The following SH3RF1 variants were observed in gnomAD, a reference collection of about 807,000 sequenced individuals.
SH3RF1 encodes the protein SH3 domain containing ring finger 1.
Under a neutral mutation model 74.0 loss-of-function variants are expected in SH3RF1, and 32 were observed. The observed-to-expected ratio is 0.43, with a 90% CI of 0.33 to 0.58. The LOEUF is 0.58. SH3RF1 is among the 20% of genes least tolerant of loss of function. SH3RF1 has a pLI of 0.05. For synonymous variants in SH3RF1, 396 were observed against 439.6 expected (o/e 0.90, Z 1.24); for missense variants, 954 against 1,130.9 (o/e 0.84, Z 2.24).
intron 2 of SH3RF1, among the ~76,000 whole-genome samples, chr4:169,253,024 A>G (rs539475802): frequency 7.8e-4 from 119 of 152,234 alleles, no homozygotes; most frequent in Non-Finnish European, 9.6e-4. Context: ...AGAAATTTAC[A>G]TATCAGGTTA....
At position 169,199,426 on chromosome 4, in the gene SH3RF1, T is replaced by C. The variant is rs139062074; in HGVS notation, c.394-42747A>G. On this transcript the variant is annotated intron_variant, in intron 2 of 11. Coordinates refer to ENST00000284637, the MANE Select transcript of SH3RF1 (RefSeq NM_020870.4). Reference sequence around the variant, plus strand: ...ACCATCTTGTGGCTTCACCAACCATTAGGGTCTTATAATCTTGTGCATCCA... The same window carrying C: ...ACCATCTTGTGGCTTCACCAACCATCAGGGTCTTATAATCTTGTGCATCCA... Among the ~76,000 whole-genome samples, 27 of 152,222 alleles carry C rather than the reference T, an allele frequency of 1.8e-4. No homozygotes were observed. In the East Asian group the frequency reaches 5.2e-3, roughly 29 times the overall value.
chr4:169,192,578 A>C (rs1175941893), intron 2 of SH3RF1, among the ~76,000 whole-genome samples: 1 of 152,104 alleles, frequency 6.6e-6, no homozygotes, highest in African/African-American at 2.4e-5. Context: ...AACAGCGTGG[A>C]GATTCCTTAA....
At chr4:169,217,718 G>A (rs534192288) in intron 2 of SH3RF1, among the ~76,000 whole-genome samples, 2 of 152,104 alleles carry the variant, frequency 1.3e-5, no homozygotes, top group African/African-American at 4.8e-5. Flanking sequence ...CTGTTTAATG[G>A]ATACAGAGTT....
intron 11 of SH3RF1, among the ~76,000 whole-genome samples, chr4:169,102,363 T>C (rs894596795): frequency 1.3e-5 from 2 of 152,124 alleles, no homozygotes; most frequent in Non-Finnish European, 2.9e-5. Flanking sequence ...CCAAGTGTTC[T>C]AGCTTAATCC....
chr4:169,144,325 T>C (rs1733837023), intron 4 of SH3RF1, among the ~76,000 whole-genome samples: 1 of 152,196 alleles, frequency 6.6e-6, no homozygotes, highest in South Asian at 2.1e-4. Context: ...ATTTTATGCC[T>C]AGGTAAAGTA....
intron 2 of SH3RF1, among the ~76,000 whole-genome samples, chr4:169,232,020 G>C (rs983079312): frequency 1.3e-5 from 2 of 152,208 alleles, no homozygotes; most frequent in African/African-American, 4.8e-5. Context: ...TGAAGGGAGA[G>C]AGCACCAGGC....
chr4:169,121,587 C>G (rs1392287487), intron 7 of SH3RF1, among the ~76,000 whole-genome samples: 1 of 152,162 alleles, frequency 6.6e-6, no homozygotes, highest in African/African-American at 2.4e-5. Flanking sequence ...CACATGGTAA[C>G]CAGGCAGGCA....
chr4:169,235,149 G>T (rs559998344), intron 2 of SH3RF1, among the ~76,000 whole-genome samples: 1 of 152,182 alleles, frequency 6.6e-6, no homozygotes, highest in South Asian at 2.1e-4. Flanking sequence ...TCTTAAAATA[G>T]AATTCCTATA....
chr4:169,262,682 T>TA (rs139621686), intron 2 of SH3RF1, among the ~76,000 whole-genome samples: 8,042 of 152,098 alleles, frequency 0.053, 428 homozygotes, highest in Admixed American at 0.15. Flanking sequence ...AATAAATAAA[T>TA]AAAATGATAA....
intron 10 of SH3RF1, among the ~76,000 whole-genome samples, chr4:169,110,454 A>T (rs1278470834): frequency 6.6e-6 from 1 of 152,160 alleles, no homozygotes; most frequent in Non-Finnish European, 1.5e-5. Flanking sequence ...ACCAGATAGG[A>T]CCTCTGCTTA....
At chr4:169,159,531 A>G (rs1046681366) in intron 2 of SH3RF1, among the ~76,000 whole-genome samples, 1 of 152,160 alleles carries the variant, frequency 6.6e-6, no homozygotes, top group Non-Finnish European at 1.5e-5. Context: ...AATCCCATTT[A>G]CTAGCTCTGT....
intron 2 of SH3RF1, among the ~76,000 whole-genome samples, chr4:169,239,477 A>C (rs546869144): frequency 6.6e-6 from 1 of 152,382 alleles, no homozygotes; most frequent in Non-Finnish European, 1.5e-5. Context: ...ACTGTTATTC[A>C]GTCCATATGT....
chr4:169,188,142 C>T (rs1368901222), intron 2 of SH3RF1, among the ~76,000 whole-genome samples: 1 of 152,002 alleles, frequency 6.6e-6, no homozygotes, highest in Non-Finnish European at 1.5e-5. Flanking sequence ...AGACTTCCAG[C>T]CTCCAGAACT....
chr4:169,138,969 G>A (rs1330787492), intron 4 of SH3RF1, among the ~76,000 whole-genome samples: 3 of 152,060 alleles, frequency 2.0e-5, no homozygotes, highest in Non-Finnish European at 4.4e-5. Context: ...GGGGGGACTG[G>A]GGGGAAAGGT....
At chr4:169,189,681 G>T (rs546472886) in intron 2 of SH3RF1, among the ~76,000 whole-genome samples, 1 of 152,176 alleles carries the variant, frequency 6.6e-6, no homozygotes, top group Non-Finnish European at 1.5e-5. Context: ...CCAGGCAGGC[G>T]TGGGCTCCTA....
At chr4:169,168,830 A>T (rs1019585275) in intron 2 of SH3RF1, among the ~76,000 whole-genome samples, 5 of 152,168 alleles carry the variant, frequency 3.3e-5, no homozygotes, top group Non-Finnish European at 7.4e-5. Context: ...ATTCTTGATG[A>T]TTTTGTCCTT....
In SH3RF1 at chr4:169,117,658, C is replaced by T. The variant is rs374119558; in HGVS notation, c.1642G>A (p.Val548Met). ...GPAQKLQGNGVAGSPSVVPAA... is the reference protein window; with the variant it reads ...GPAQKLQGNGMAGSPSVVPAA... ...GGGACAACACTGGGACTCCCAGCCA[C>T]GCCATTTCCCTGGAGCTTCTGGGCA... Residue 548 changes from valine (V) to methionine (M), a missense_variant, in exon 9 of 12, where the codon GTG (valine) becomes ATG (methionine). Transcript: ENST00000284637. 53 of 1,614,090 alleles carry T rather than the reference C, an allele frequency of 3.3e-5. No homozygotes were observed. Among genetic ancestry groups the T allele is most frequent in the Admixed American group, 8.3e-5 (5 of 60,008 alleles).
At chr4:169,219,188 A>G (rs929324541) in intron 2 of SH3RF1, among the ~76,000 whole-genome samples, 2 of 152,186 alleles carry the variant, frequency 1.3e-5, no homozygotes, top group Non-Finnish European at 2.9e-5. Flanking sequence ...ACCTTTACAG[A>G]AGACAGAGAA....
intron 2 of SH3RF1, among the ~76,000 whole-genome samples, chr4:169,244,941 A>G (rs1402106834): frequency 6.6e-6 from 1 of 152,220 alleles, no homozygotes; most frequent in African/African-American, 2.4e-5. Context: ...TTGCAAAATA[A>G]AAGTTGCTTA....
Sources: allele counts gnomAD v4.1 joint callset (sites outside exome capture counted in the v4.1 genomes callset), GRCh38; gene constraint gnomAD v4.1.1; transcripts MANE v1.5; gene names NCBI Gene and HGNC (gene_info 2026-07-23, HGNC 2026-07-21).